HTR2C: variants seen among roughly 807,000 people sequenced by gnomAD.
HTR2C encodes 5-hydroxytryptamine (serotonin) receptor 2C, G protein-coupled.
Under a neutral mutation model 21.0 loss-of-function variants are expected in HTR2C, and 5 were observed. That is an observed-to-expected ratio of 0.24 (90% CI 0.12 to 0.50). HTR2C has a LOEUF of 0.50. Ranked by LOEUF, HTR2C falls within the 20% of genes least tolerant of loss-of-function variation. The pLI is 0.98. For missense variants in HTR2C, 271 were observed against 371.2 expected (o/e 0.73, Z 2.22); for synonymous variants, 150 against 145.3 (o/e 1.03, Z -0.23).
At chrX:114,885,682 C>A (rs2147522779) in intron 5 of HTR2C, among the ~76,000 whole-genome samples, 1 of 111,100 alleles carries the variant, frequency 9.0e-6, no homozygotes, top group African/African-American at 3.3e-5. Context: ...AATATATTTT[C>A]ATTTTACTCA....
At chrX:114,774,887 C>T in intron 4 of HTR2C, 1 of 538,090 alleles carries the variant, frequency 1.9e-6, no homozygotes, top group Admixed American at 2.3e-5. Flanking sequence ...GGAGCTCCAC[C>T]ACCAGGGAAT....
At chrX:114,686,801 A>G (rs782741045) in intron 2 of HTR2C, among the ~76,000 whole-genome samples, 1 of 111,545 alleles carries the variant, frequency 9.0e-6, no homozygotes, top group African/African-American at 3.2e-5. Context: ...TTTATTTTAC[A>G]TATCCTCACC....
chrX:114,646,544 T>G (rs889320386), intron 2 of HTR2C, among the ~76,000 whole-genome samples: 1 of 112,471 alleles, frequency 8.9e-6, no homozygotes, highest in African/African-American at 3.2e-5. Context: ...CCTTGATGAT[T>G]CGTGAGGAAC....
At chrX:114,892,957 G>C (rs2071269514) in intron 5 of HTR2C, among the ~76,000 whole-genome samples, 1 of 107,462 alleles carries the variant, frequency 9.3e-6, no homozygotes, top group Non-Finnish European at 1.9e-5. Flanking sequence ...CTGTTGCCCA[G>C]GCTGGAATGC....
chrX:114,828,663 A>T (rs1421265645), intron 4 of HTR2C, among the ~76,000 whole-genome samples: 1 of 111,821 alleles, frequency 8.9e-6, no homozygotes, highest in East Asian at 2.8e-4. Context: ...CGTCATCTCT[A>T]TCCAGTACCA....
chrX:114,685,889 T>C, intron 2 of HTR2C, among the ~76,000 whole-genome samples: 1 of 111,957 alleles, frequency 8.9e-6, no homozygotes, highest in Non-Finnish European at 1.9e-5. Context: ...TGCTACCTGA[T>C]ATTATAATAG....
intron 5 of HTR2C, among the ~76,000 whole-genome samples, chrX:114,864,248 A>G (rs1428211977): frequency 9.0e-6 from 1 of 110,889 alleles, no homozygotes. Context: ...ATGAATTGAT[A>G]CTTTTCTGTA....
chrX:114,882,670 ACCTAGGACAAAGCC>A (rs782568093), intron 5 of HTR2C, among the ~76,000 whole-genome samples: 1 of 110,874 alleles, frequency 9.0e-6, no homozygotes, highest in Non-Finnish European at 1.9e-5. Context: ...AACCTTGCAT[ACCTAGGACAAAGCC>A]CACATGATCA....
intron 2 of HTR2C, among the ~76,000 whole-genome samples, chrX:114,633,633 C>A (rs2147819273): frequency 9.0e-6 from 1 of 111,063 alleles, no homozygotes. Context: ...GATGTCTGAA[C>A]ATTTGTTAAA....
At chrX:114,665,719 C>A (rs1372691135) in intron 2 of HTR2C, among the ~76,000 whole-genome samples, 3 of 111,156 alleles carry the variant, frequency 2.7e-5, no homozygotes, top group African/African-American at 9.8e-5. Context: ...TTCTCATCAT[C>A]TTTTCATTGA....
At chrX:114,746,016 T>G (rs2069700080) in intron 4 of HTR2C, among the ~76,000 whole-genome samples, 1 of 112,192 alleles carries the variant, frequency 8.9e-6, no homozygotes, top group Non-Finnish European at 1.9e-5. Flanking sequence ...GATATCCCAT[T>G]CTTCATGATG....
At chrX:114,892,300 A>G (rs2071264190) in intron 5 of HTR2C, among the ~76,000 whole-genome samples, 1 of 111,909 alleles carries the variant, frequency 8.9e-6, no homozygotes, top group Non-Finnish European at 1.9e-5. Context: ...AGGCATTTGC[A>G]TCTGAATTCT....
intron 5 of HTR2C, among the ~76,000 whole-genome samples, chrX:114,862,199 T>C (rs1247767062): frequency 3.6e-5 from 4 of 111,059 alleles, no homozygotes; most frequent in African/African-American, 1.3e-4. Context: ...CTTTTGCATA[T>C]GGAAATAGAG....
intron 4 of HTR2C, among the ~76,000 whole-genome samples, chrX:114,751,313 T>A (rs1444260926): frequency 8.9e-6 from 1 of 112,092 alleles, no homozygotes; most frequent in African/African-American, 3.2e-5. Context: ...TGCAGCTTAC[T>A]TATTTCTCAT....
chrX:114,862,755 T>C (rs1377971218), intron 5 of HTR2C, among the ~76,000 whole-genome samples: 1 of 111,249 alleles, frequency 9.0e-6, no homozygotes, highest in Admixed American at 9.6e-5. Context: ...TTATATTTGT[T>C]TTGGCGACGT....
intron 2 of HTR2C, among the ~76,000 whole-genome samples, chrX:114,648,548 T>C (rs190119383): frequency 9.0e-6 from 1 of 111,111 alleles, no homozygotes; most frequent in African/African-American, 3.3e-5. Context: ...GGCAACATAA[T>C]GAAACCCCAT....
chrX:114,809,345 C>T (rs1298946268), intron 4 of HTR2C, among the ~76,000 whole-genome samples: 1 of 108,606 alleles, frequency 9.2e-6, no homozygotes, highest in African/African-American at 3.3e-5. Context: ...TGGGGCTCTT[C>T]AGTCAGCTTA....
At chrX:114,861,049 G>A (rs1185571596) in intron 5 of HTR2C, among the ~76,000 whole-genome samples, 1 of 111,027 alleles carries the variant, frequency 9.0e-6, no homozygotes, top group South Asian at 3.8e-4. Flanking sequence ...TGTATGGCAA[G>A]AACAGCTACA....
At chrX:114,742,501 A>G (rs1393567803) in intron 4 of HTR2C, among the ~76,000 whole-genome samples, 3 of 111,081 alleles carry the variant, frequency 2.7e-5, no homozygotes, top group Admixed American at 9.6e-5. Flanking sequence ...TGGGTTTTCA[A>G]TGCCTACTAA....
Sources: gnomAD v4.1 joint callset for allele counts (sites outside exome capture counted in the v4.1 genomes callset) on GRCh38, gnomAD v4.1.1 for gene constraint, MANE v1.5 for transcripts, NCBI Gene and HGNC (gene_info 2026-07-23, HGNC 2026-07-21) for gene names.